The following ROBO1 variants were observed in gnomAD, a reference collection of about 807,000 sequenced individuals.
ROBO1 encodes the protein roundabout guidance receptor 1, also known as roundabout homolog 1.
A neutral mutation model predicts 195.9 loss-of-function variants in ROBO1; 149 were observed. That is an observed-to-expected ratio of 0.76 (90% CI 0.67 to 0.87). The LOEUF (loss-of-function observed/expected upper bound fraction) is 0.87. Ranked by LOEUF, ROBO1 falls within the 40% of genes least tolerant of loss-of-function variation. The pLI, the probability that ROBO1 is intolerant of heterozygous loss-of-function variation, is 0.00. For missense variants in ROBO1, 1,933 were observed against 2,068.3 expected (o/e 0.93, Z 1.27); for synonymous variants, 816 against 733.2 (o/e 1.11, Z -1.82).
intron 4 of ROBO1, among the ~76,000 whole-genome samples, chr3:78,923,641 CAGA>C (rs2039060922): frequency 2.0e-5 from 3 of 152,078 alleles, no homozygotes; most frequent in South Asian, 2.1e-4. Context: ...CTTCTCATTC[CAGA>C]AGAAGTTACT....
chr3:78,843,296 C>T (rs1463890598), intron 4 of ROBO1, among the ~76,000 whole-genome samples: 3 of 151,936 alleles, frequency 2.0e-5, no homozygotes, highest in East Asian at 3.9e-4. Context: ...AAATCAATAC[C>T]TCCTTCATTC....
intron 2 of ROBO1, among the ~76,000 whole-genome samples, chr3:79,419,637 T>C (rs2038142743): frequency 6.6e-6 from 1 of 152,142 alleles, no homozygotes; most frequent in Non-Finnish European, 1.5e-5. Context: ...GGCCCTCTGA[T>C]GACAGGAATT....
chr3:79,656,900 GA>G (rs72452350), intron 1 of ROBO1, among the ~76,000 whole-genome samples: 6 of 149,610 alleles, frequency 4.0e-5, no homozygotes, highest in Non-Finnish European at 5.9e-5. Context: ...TTGTCTCAAA[GA>G]AAAAAAATAA....
chr3:79,442,021 T>C (rs1191525689), intron 2 of ROBO1, among the ~76,000 whole-genome samples: 1 of 152,012 alleles, frequency 6.6e-6, no homozygotes, highest in East Asian at 1.9e-4. Flanking sequence ...AGGACCAATT[T>C]TTCCAAGAAA....
intron 3 of ROBO1, among the ~76,000 whole-genome samples, chr3:79,062,871 T>G: frequency 6.6e-6 from 1 of 151,862 alleles, no homozygotes; most frequent in East Asian, 1.9e-4. Context: ...TTAGGAGAAA[T>G]ACCTAATGTA....
chr3:79,393,802 G>A (rs1450647951), intron 2 of ROBO1, among the ~76,000 whole-genome samples: 3 of 152,144 alleles, frequency 2.0e-5, no homozygotes, highest in African/African-American at 7.2e-5. Flanking sequence ...ATAAGAAAGA[G>A]AAGGAAAAAT....
chr3:78,722,020 C>A (rs1486323665), intron 5 of ROBO1, among the ~76,000 whole-genome samples: 1 of 151,916 alleles, frequency 6.6e-6, no homozygotes, highest in Non-Finnish European at 1.5e-5. Context: ...CTGAGGTAAA[C>A]CAAAATTCAA....
intron 3 of ROBO1, among the ~76,000 whole-genome samples, chr3:78,996,309 C>T (rs964720346): frequency 3.6e-5 from 5 of 140,598 alleles, no homozygotes; most frequent in Non-Finnish European, 7.6e-5. Flanking sequence ...ACACTGAAAC[C>T]CATCTCTATT....
chr3:79,350,447 T>A (rs1163943489), intron 2 of ROBO1, among the ~76,000 whole-genome samples: 1 of 152,174 alleles, frequency 6.6e-6, no homozygotes, highest in Non-Finnish European at 1.5e-5. Context: ...ATTCCACTCC[T>A]AAGAGAAATG....
At chr3:79,685,017 C>G (rs1280892552) in intron 1 of ROBO1, among the ~76,000 whole-genome samples, 1 of 152,074 alleles carries the variant, frequency 6.6e-6, no homozygotes, top group African/African-American at 2.4e-5. Context: ...CACCTAACAG[C>G]CTTCCCAGAG....
chr3:79,679,967 G>A (rs1946895918), intron 1 of ROBO1, among the ~76,000 whole-genome samples: 1 of 152,012 alleles, frequency 6.6e-6, no homozygotes, highest in Non-Finnish European at 1.5e-5. Context: ...GGAAAAAATA[G>A]TGAATCAGCT....
At chr3:78,615,453 G>A (rs1575778956) in intron 27 of ROBO1, among the ~76,000 whole-genome samples, 1 of 152,114 alleles carries the variant, frequency 6.6e-6, no homozygotes, top group Admixed American at 6.6e-5. Context: ...TGGTGGAAGA[G>A]GTAGATGTTT....
intron 4 of ROBO1, among the ~76,000 whole-genome samples, chr3:78,792,920 T>A (rs1025814444): frequency 5.9e-5 from 9 of 151,482 alleles, no homozygotes; most frequent in Non-Finnish European, 8.8e-5. Context: ...GGCAACAGAG[T>A]AGAACCTCCT....
intron 1 of ROBO1, among the ~76,000 whole-genome samples, chr3:79,681,399 A>G (rs1946943336): frequency 6.6e-6 from 1 of 151,988 alleles, no homozygotes; most frequent in African/African-American, 2.4e-5. Flanking sequence ...CTTTCAGAGA[A>G]GCAGTTGAGT....
At chr3:79,260,733 T>C (rs1453494981) in intron 2 of ROBO1, among the ~76,000 whole-genome samples, 3 of 152,236 alleles carry the variant, frequency 2.0e-5, no homozygotes, top group Admixed American at 6.5e-5. Context: ...TTCTGCTCAA[T>C]TGTAAATAGT....
chr3:79,304,795 T>C (rs939303602), intron 2 of ROBO1, among the ~76,000 whole-genome samples: 2 of 152,218 alleles, frequency 1.3e-5, no homozygotes. Flanking sequence ...GCTGTAACCA[T>C]GTACATTTGT....
At chr3:79,575,708 G>T (rs889172225) in intron 2 of ROBO1, among the ~76,000 whole-genome samples, 8 of 150,834 alleles carry the variant, frequency 5.3e-5, no homozygotes, top group Non-Finnish European at 1.0e-4. Flanking sequence ...TCTTCTATTT[G>T]TTTCATGGCA....
At chr3:79,127,111 C>T (rs2080230324) in intron 2 of ROBO1, among the ~76,000 whole-genome samples, 1 of 152,026 alleles carries the variant, frequency 6.6e-6, no homozygotes, top group Non-Finnish European at 1.5e-5. Flanking sequence ...GTCATTTTAC[C>T]CTTAAAATAG....
intron 4 of ROBO1, among the ~76,000 whole-genome samples, chr3:78,909,397 T>A (rs986912065): frequency 6.6e-6 from 1 of 151,858 alleles, no homozygotes; most frequent in Non-Finnish European, 1.5e-5. Context: ...CAGAAAGGAA[T>A]ATGTAGCCAA....
Sources: gnomAD v4.1 joint callset for allele counts (sites outside exome capture counted in the v4.1 genomes callset) on GRCh38, gnomAD v4.1.1 for gene constraint, MANE v1.5 for transcripts, NCBI Gene and HGNC (gene_info 2026-07-23, HGNC 2026-07-21) for gene names.